RSPO2: variants seen among roughly 807,000 people sequenced by gnomAD.
RSPO2 encodes the protein R-spondin 2.
A neutral mutation model predicts 30.9 loss-of-function variants in RSPO2; 14 were observed. The observed-to-expected ratio is 0.45, with a 90% CI of 0.30 to 0.71. The LOEUF (loss-of-function observed/expected upper bound fraction) is 0.71. Ranked by LOEUF, RSPO2 falls within the 30% of genes least tolerant of loss-of-function variation. RSPO2 has a pLI of 0.08. For missense variants in RSPO2, 264 were observed against 301.9 expected, an observed-to-expected ratio of 0.87 and a Z score of 0.93; for synonymous variants, 107 against 96.4, an observed-to-expected ratio of 1.11 and a Z score of -0.64.
chr8:107,997,952 T>C (rs541629648), intron 2 of RSPO2, among the ~76,000 whole-genome samples: 1 of 152,284 alleles, frequency 6.6e-6, no homozygotes, highest in East Asian at 1.9e-4. Context: ...CAAGAAGAAA[T>C]CTGAATTCCT....
intron 2 of RSPO2, among the ~76,000 whole-genome samples, chr8:107,997,664 A>G (rs1348470): frequency 0.03 from 4,630 of 152,308 alleles, 195 homozygotes; most frequent in African/African-American, 0.092. Context: ...ACACTACCTA[A>G]ATCACAAACA....
chr8:108,061,118 T>C (rs943669053), intron 2 of RSPO2, among the ~76,000 whole-genome samples: 1 of 151,746 alleles, frequency 6.6e-6, no homozygotes, highest in Non-Finnish European at 1.5e-5. Context: ...AGGAAGAAAC[T>C]GCATCAACTA....
intron 5 of RSPO2, among the ~76,000 whole-genome samples, chr8:107,925,167 G>A (rs2453417): frequency 0.37 from 56,138 of 151,558 alleles, 11,995 homozygotes; most frequent in East Asian, 0.66. Context: ...GAGAGGGGAT[G>A]TCAGGGGTAA....
chr8:108,000,285 T>C (rs1212936813), intron 2 of RSPO2, among the ~76,000 whole-genome samples: 5 of 151,962 alleles, frequency 3.3e-5, no homozygotes, highest in African/African-American at 1.2e-4. Flanking sequence ...CCAAAGCAAA[T>C]AATCACGGTG....
At chr8:108,011,209 AGGAAAG>A (rs2130586281) in intron 2 of RSPO2, among the ~76,000 whole-genome samples, 1 of 149,742 alleles carries the variant, frequency 6.7e-6, no homozygotes, top group East Asian at 1.9e-4. Flanking sequence ...GGAAAAGGAA[AGGAAAG>A]GAAAAGGAAA....
intron 2 of RSPO2, among the ~76,000 whole-genome samples, chr8:108,065,165 T>A (rs1269958994): frequency 1.4e-5 from 2 of 147,008 alleles, no homozygotes; most frequent in Middle Eastern, 3.5e-3. Context: ...GAATTTAAAG[T>A]ATAAGTTAAA....
intron 2 of RSPO2, among the ~76,000 whole-genome samples, chr8:108,038,297 T>C (rs1414340063): frequency 2.0e-5 from 3 of 152,180 alleles, no homozygotes; most frequent in Admixed American, 2.0e-4. Context: ...AGCCTGAAGA[T>C]GTGACTGAAT....
At chr8:107,927,911 A>G (rs984406524) in intron 5 of RSPO2, among the ~76,000 whole-genome samples, 6 of 152,102 alleles carry the variant, frequency 3.9e-5, no homozygotes, top group Non-Finnish European at 7.4e-5. Context: ...TATAATGGAG[A>G]GCAACTCACA....
intron 2 of RSPO2, among the ~76,000 whole-genome samples, chr8:108,055,209 G>A (rs958451220): frequency 3.3e-4 from 51 of 152,270 alleles, no homozygotes; most frequent in African/African-American, 1.0e-3. Context: ...TGAAAAACAC[G>A]AGTAAAGAGC....
rs551773333 is a variant in RSPO2, at chr8:108,049,574, C to A, written c.94+32971G>T. On this transcript the variant is annotated intron_variant, in intron 2 of 5. Transcript: ENST00000276659. ...CCCCTTGCCCCCACACTGACAGGCC[C>A]CAGTATGTGATGTTCCCCCCTTCCT... is the stretch of plus-strand genomic sequence containing the variant. 1.6e-3 allele frequency among the ~76,000 whole-genome samples: 241 copies of A among 151,780 alleles called. 2 individuals are homozygous for A. Among genetic ancestry groups the A allele is most frequent in the African/African-American group, 5.7e-3 (236 of 41,362 alleles).
chr8:107,942,110 G>A (rs1022281362), intron 5 of RSPO2, among the ~76,000 whole-genome samples: 2 of 152,132 alleles, frequency 1.3e-5, no homozygotes, highest in Non-Finnish European at 2.9e-5. Flanking sequence ...ATCTCTAAGT[G>A]TTCAGACAAC....
intron 5 of RSPO2, among the ~76,000 whole-genome samples, chr8:107,910,535 A>G (rs1811789471): frequency 1.3e-5 from 2 of 152,186 alleles, no homozygotes. Flanking sequence ...CCTGTCTCTT[A>G]AAGAAAAGGG....
chr8:108,066,235 C>T (rs932913509), intron 2 of RSPO2, among the ~76,000 whole-genome samples: 1 of 152,124 alleles, frequency 6.6e-6, no homozygotes, highest in African/African-American at 2.4e-5. Context: ...TTTCCTTCCT[C>T]TCCTCTCTAA....
chr8:107,965,390 G>A (rs753852099), intron 3 of RSPO2, among the ~76,000 whole-genome samples: 12 of 152,096 alleles, frequency 7.9e-5, no homozygotes, highest in Admixed American at 2.0e-4. Context: ...ACAGTACCCC[G>A]TACGGGCTCT....
intron 5 of RSPO2, among the ~76,000 whole-genome samples, chr8:107,906,920 C>T (rs907358577): frequency 1.3e-5 from 2 of 151,788 alleles, no homozygotes; most frequent in Non-Finnish European, 2.9e-5. Context: ...TGTGTGAGAA[C>T]ATTTTAAATC....
chr8:107,960,688 G>T lies in RSPO2; in HGVS notation c.413C>A (p.Thr138Asn). Reference protein sequence around the residue: ...CPDGFAPLEETMECVEGCEVG... With the variant: ...CPDGFAPLEENMECVEGCEVG... ...AAACTACTCACCCACACATTCCATGGTTTCTTCTAATGGTGCAAAACCATC... is the reference window on the plus strand; with the variant it reads ...AAACTACTCACCCACACATTCCATGTTTTCTTCTAATGGTGCAAAACCATC... The change falls in exon 4 of 6, where the codon ACC becomes AAC. Residue 138 changes from threonine (T) to asparagine (N), a missense_variant. Transcript: ENST00000276659. 1 of 1,610,716 alleles carries T rather than the reference G, an allele frequency of 6.2e-7. No homozygotes were observed. Among genetic ancestry groups the T allele is most frequent in the African/African-American group, 1.3e-5 (1 of 74,860 alleles).
intron 2 of RSPO2, among the ~76,000 whole-genome samples, chr8:108,056,379 G>A (rs977559869): frequency 6.6e-6 from 1 of 151,934 alleles, no homozygotes; most frequent in African/African-American, 2.4e-5. Context: ...AGCACTTTGG[G>A]AGGCCAAAGC....
intron 2 of RSPO2, among the ~76,000 whole-genome samples, chr8:108,003,180 T>C (rs994286435): frequency 6.8e-6 from 1 of 147,342 alleles, no homozygotes; most frequent in African/African-American, 2.5e-5. Flanking sequence ...GCCTCCCAAG[T>C]AGCTGGGATT....
intron 2 of RSPO2, among the ~76,000 whole-genome samples, chr8:108,018,554 C>T (rs757166779): frequency 8.5e-5 from 13 of 152,182 alleles, no homozygotes; most frequent in Admixed American, 2.6e-4. Flanking sequence ...AAATGTACAT[C>T]TTTCCAGACT....
Sources: allele counts gnomAD v4.1 joint callset (sites outside exome capture counted in the v4.1 genomes callset), GRCh38; gene constraint gnomAD v4.1.1; transcripts MANE v1.5; gene names NCBI Gene and HGNC (gene_info 2026-07-23, HGNC 2026-07-21).